Variants in ARHGAP24 observed in about 807,000 individuals in gnomAD.
The protein encoded by ARHGAP24 is rho GTPase-activating protein 24.
Under a neutral mutation model 76.4 loss-of-function variants are expected in ARHGAP24, and 50 were observed. That is an observed-to-expected ratio of 0.65 (90% confidence interval 0.52 to 0.83). The LOEUF (loss-of-function observed/expected upper bound fraction) is 0.83, where lower values mean the gene tolerates loss of function less well. ARHGAP24 is among the 40% of genes least tolerant of loss of function. ARHGAP24 has a pLI of 0.00. For synonymous variants in ARHGAP24, 345 were observed against 323.3 expected, an observed-to-expected ratio of 1.07 and a Z score of -0.72; for missense variants, 930 against 914.2, an observed-to-expected ratio of 1.02 and a Z score of -0.22.
Position 85,755,365 on chromosome 4 carries a change from ACCAGAATTTAGATAC to A in ARHGAP24, c.268+33396_268+33410del, listed in dbSNP as rs200888720. 3.9e-5 allele frequency among the ~76,000 whole-genome samples: 6 copies of A among 152,222 alleles called. No homozygotes were observed. In the East Asian group the frequency reaches 1.2e-3, roughly 30 times the overall value. ...TTTCTAAGTGTACATGAGGTTAGAC[ACCAGAATTTAGATAC>A]CCCTACACTTGTAGACAAGAGATGG... On this transcript the variant is annotated intron_variant, in intron 3 of 9. Coordinates refer to ENST00000395184, the MANE Select transcript of ARHGAP24 (RefSeq NM_001025616.3).
intron 2 of ARHGAP24, among the ~76,000 whole-genome samples, chr4:85,601,582 G>A (rs72982049): frequency 0.057 from 8,693 of 152,148 alleles, 825 homozygotes; most frequent in African/African-American, 0.2. Context: ...AATCTCTCCA[G>A]ATGTTGCCAA....
chr4:85,685,269 C>T (rs1319018036), intron 2 of ARHGAP24, among the ~76,000 whole-genome samples: 1 of 152,194 alleles, frequency 6.6e-6, no homozygotes, highest in Admixed American at 6.5e-5. Context: ...CACTCTGCCA[C>T]TAATCATTGA....
At position 86,001,034 on chromosome 4, in the gene ARHGAP24, A is replaced by T. The variant is rs10305; in HGVS notation, c.*312A>T. 0.27 allele frequency: 126,479 copies of T among 474,966 alleles called. 18,575 individuals carry two copies. The highest frequency in any genetic ancestry group is 0.46 in the African/African-American group (23,415 of 51,318). 29.4% of individuals were successfully genotyped at this position (474,966 alleles called of 1,614,324 possible). A position where few individuals can be genotyped will look rare whatever the true frequency, so the allele number is the denominator to read the frequency against. On this transcript the variant is annotated 3_prime_UTR_variant, in exon 10 of 10. Coordinates refer to ENST00000395184, the MANE Select transcript of ARHGAP24 (RefSeq NM_001025616.3). ...TCTTGTATTTAAATGTTAAATCAAT[A>T]TGTTGTTGCAATTTAGCTTGCTTTC... is the stretch of plus-strand genomic sequence containing the variant.
chr4:85,985,190 C>T (rs919085170), intron 8 of ARHGAP24, among the ~76,000 whole-genome samples: 1 of 152,122 alleles, frequency 6.6e-6, no homozygotes, highest in African/African-American at 2.4e-5. Flanking sequence ...TATGTATGTT[C>T]ATTGCAGCAC....
At chr4:85,530,284 T>G (rs1407118928) in intron 1 of ARHGAP24, among the ~76,000 whole-genome samples, 1 of 152,018 alleles carries the variant, frequency 6.6e-6, no homozygotes, top group East Asian at 1.9e-4. Context: ...TCCAAATGAA[T>G]GAGAATTACG....
chr4:85,951,575 G>C (rs1388265454), intron 5 of ARHGAP24, among the ~76,000 whole-genome samples: 1 of 152,114 alleles, frequency 6.6e-6, no homozygotes, highest in South Asian at 2.1e-4. Context: ...TGAAGCTATG[G>C]ATCCGTTTGG....
chr4:85,991,934 C>A (rs1342421774), intron 8 of ARHGAP24: 1 of 386,180 alleles, frequency 2.6e-6, no homozygotes, highest in African/African-American at 2.1e-5. Flanking sequence ...TATTTAAAGT[C>A]CCTAGGTTTT....
Position 86,001,031 on chromosome 4 carries a change from A to T in ARHGAP24, c.*309A>T, listed in dbSNP as rs888505255. 15 of 488,964 alleles carry T rather than the reference A, an allele frequency of 3.1e-5. No homozygotes were observed. Among genetic ancestry groups the T allele is most frequent in the African/African-American group, 2.3e-4 (12 of 51,876 alleles). 30.3% of individuals were successfully genotyped at this position (488,964 alleles called of 1,614,324 possible). The stretch of plus-strand genomic sequence containing the variant: ...AAGTCTTGTATTTAAATGTTAAATC[A>T]ATATGTTGTTGCAATTTAGCTTGCT... On this transcript the variant is annotated 3_prime_UTR_variant, in exon 10 of 10. Transcript: ENST00000395184.
intron 1 of ARHGAP24, among the ~76,000 whole-genome samples, chr4:85,568,362 T>A (rs968613061): frequency 2.0e-5 from 3 of 152,174 alleles, no homozygotes; most frequent in Non-Finnish European, 4.4e-5. Flanking sequence ...TAAGGTCCCA[T>A]TTAACTTTAT....
chr4:85,577,639 A>G lies in ARHGAP24; in HGVS notation c.180+6918A>G, dbSNP rs191478861. On this transcript the variant is annotated intron_variant, in intron 2 of 9. Transcript: ENST00000395184. ...TAATACCAAGCATTTGTGAAGAAGG[A>G]GTTAAATTCTAGTGGGTATTAGGCA... 2.5e-3 allele frequency among the ~76,000 whole-genome samples: 380 copies of G among 152,320 alleles called. 1 individual carries two copies. Among genetic ancestry groups the G allele is most frequent in the Non-Finnish European group, 4.1e-3 (276 of 68,020 alleles).
At chr4:85,980,278 T>C (rs780585455) in intron 8 of ARHGAP24, among the ~76,000 whole-genome samples, 2 of 152,206 alleles carry the variant, frequency 1.3e-5, no homozygotes, top group African/African-American at 2.4e-5. Context: ...TATATACACA[T>C]TTACCTATTA....
chr4:85,679,990 T>A (rs1183890301), intron 2 of ARHGAP24, among the ~76,000 whole-genome samples: 1 of 152,214 alleles, frequency 6.6e-6, no homozygotes, highest in Non-Finnish European at 1.5e-5. Flanking sequence ...TTGCCATTAA[T>A]TTGAAATTTT....
At chr4:85,604,616 ACT>A (rs554731644) in intron 2 of ARHGAP24, among the ~76,000 whole-genome samples, 1 of 152,088 alleles carries the variant, frequency 6.6e-6, no homozygotes, top group Non-Finnish European at 1.5e-5. Context: ...ATGGGGTCTC[ACT>A]CTGTCACCCA....
At chr4:85,789,173 C>T (rs1192590973) in intron 3 of ARHGAP24, among the ~76,000 whole-genome samples, 8 of 149,874 alleles carry the variant, frequency 5.3e-5, no homozygotes, top group Non-Finnish European at 7.4e-5. Context: ...GTTAATTACC[C>T]TTGGTCAATA....
chr4:85,817,668 A>C (rs1469862567), intron 3 of ARHGAP24, among the ~76,000 whole-genome samples: 1 of 152,224 alleles, frequency 6.6e-6, no homozygotes, highest in African/African-American at 2.4e-5. Flanking sequence ...TATGAAAACT[A>C]AGTGTAAAAA....
intron 3 of ARHGAP24, among the ~76,000 whole-genome samples, chr4:85,837,212 C>T (rs1730339389): frequency 6.6e-6 from 1 of 152,146 alleles, no homozygotes. Context: ...TTTTTTCCTA[C>T]ACTTGCTTTG....
intron 5 of ARHGAP24, among the ~76,000 whole-genome samples, chr4:85,943,258 A>T (rs753668017): frequency 6.6e-6 from 1 of 152,202 alleles, no homozygotes; most frequent in Non-Finnish European, 1.5e-5. Flanking sequence ...GTCTTAGTCC[A>T]TTCAGGCTGT....
chr4:85,709,957 T>A lies in ARHGAP24; in HGVS notation c.181-11928T>A, dbSNP rs1489269303. Among the ~76,000 whole-genome samples the A allele has an allele frequency of 2.0e-5, 3 of 152,144 alleles. No individual in the cohort carries two copies. In the East Asian group the frequency reaches 5.8e-4, roughly 29 times the overall value. On this transcript the variant is annotated intron_variant, in intron 2 of 9. Coordinates refer to ENST00000395184, the MANE Select transcript of ARHGAP24 (RefSeq NM_001025616.3). ...CATATTGCCCAAGTAAATTTATAGA[T>A]TTAATGCTTTTTCTATCAAATTACC...
chr4:85,774,606 A>T (rs139976828), intron 3 of ARHGAP24, among the ~76,000 whole-genome samples: 1 of 152,336 alleles, frequency 6.6e-6, no homozygotes, highest in East Asian at 1.9e-4. Flanking sequence ...AGTTAGGTAC[A>T]TATATCCACA....
Sources: gnomAD v4.1 joint callset for allele counts (sites outside exome capture counted in the v4.1 genomes callset) on GRCh38, gnomAD v4.1.1 for gene constraint, MANE v1.5 for transcripts, NCBI Gene and HGNC (gene_info 2026-07-23, HGNC 2026-07-21) for gene names.